Variants in SCGB2B2 observed in about 807,000 individuals in gnomAD.
SCGB2B2 encodes the protein secretoglobin-like protein.
SCGB2B2 carries 11 observed loss-of-function variants against 7.6 expected under a neutral mutation model. That is an observed-to-expected ratio of 1.45 (90% CI 0.91 to 2.40). The LOEUF (loss-of-function observed/expected upper bound fraction) is 2.40, where lower values mean the gene tolerates loss of function less well. Among genes scored for constraint, SCGB2B2 ranks in the 30% most tolerant of loss-of-function variants. The pLI is 0.00. For missense variants in SCGB2B2, 104 were observed against 115.4 expected (o/e 0.90, Z 0.45); for synonymous variants, 50 against 48.6 (o/e 1.03, Z -0.12).
chr19:34,668,337 G>T (rs1046143803), intron 1 of SCGB2B2, among the ~76,000 whole-genome samples: 3 of 152,230 alleles, frequency 2.0e-5, no homozygotes, highest in Non-Finnish European at 2.9e-5. Context: ...TAGCACCTGG[G>T]CCAGCAACTG....
chr19:34,663,418 C>T (rs2067519019), intron 1 of SCGB2B2, among the ~76,000 whole-genome samples: 1 of 152,168 alleles, frequency 6.6e-6, no homozygotes. Context: ...TTGATAGCAA[C>T]AGCAATGTTG....
chr19:34,673,226 T>C (rs1013206503), intron 1 of SCGB2B2, among the ~76,000 whole-genome samples: 7 of 152,192 alleles, frequency 4.6e-5, no homozygotes, highest in South Asian at 2.1e-4. Flanking sequence ...TTTCTCCTTA[T>C]TGCTCTCTCT....
chr19:34,612,201 G>A (rs1008677544), intron 1 of SCGB2B2, among the ~76,000 whole-genome samples: 3 of 151,402 alleles, frequency 2.0e-5, no homozygotes, highest in South Asian at 4.2e-4. Context: ...ACCACACCTG[G>A]CTAATTTTTT....
At chr19:34,614,614 T>C (rs1055807125) in intron 1 of SCGB2B2, among the ~76,000 whole-genome samples, 2 of 152,244 alleles carry the variant, frequency 1.3e-5, no homozygotes, top group Admixed American at 1.3e-4. Flanking sequence ...TATTTCCTTT[T>C]CATTGATGTC....
rs903640311 is a variant in SCGB2B2 at position 34,676,026 on chromosome 19, C to T, written c.-2428G>A. The stretch of plus-strand genomic sequence containing the variant: ...CATCCCACACCTGGGAAGTAGACCC[C>T]AGCGCGGTTGCCGCTGGTTGTTCGG... On this transcript the variant is annotated 5_prime_UTR_variant, in exon 1 of 4. An upstream open reading frame in the 5' UTR gains an earlier in-frame stop. Coordinates refer to ENST00000601241, the MANE Select transcript of SCGB2B2 (RefSeq NM_001025591.4). 3 of 152,214 alleles carry T rather than the reference C, an allele frequency of 2.0e-5. No homozygotes were observed. Among genetic ancestry groups the T allele is most frequent in the African/African-American group, 7.2e-5 (3 of 41,448 alleles). 9.4% of individuals were successfully genotyped at this position (152,214 alleles called of 1,614,324 possible). A position where few individuals can be genotyped will look rare whatever the true frequency, so the allele number is the denominator to read the frequency against.
At chr19:34,646,192 G>A in intron 1 of SCGB2B2, 1 of 159,200 alleles carries the variant, frequency 6.3e-6, no homozygotes, top group Non-Finnish European at 1.4e-5. Context: ...GGATGCTCAT[G>A]ATCAGATGAA....
intron 1 of SCGB2B2, among the ~76,000 whole-genome samples, chr19:34,605,287 T>G (rs1028831420): frequency 6.6e-6 from 1 of 152,212 alleles, no homozygotes; most frequent in Non-Finnish European, 1.5e-5. Flanking sequence ...TTCCATGAGT[T>G]TTGAGAACTC....
intron 1 of SCGB2B2, among the ~76,000 whole-genome samples, chr19:34,653,962 C>T (rs1453697401): frequency 6.9e-6 from 1 of 145,422 alleles, no homozygotes; most frequent in East Asian, 2.0e-4. Flanking sequence ...GGAAGTCCCA[C>T]CCAGAGCAAC....
At chr19:34,597,427 A>T (rs2065490682) in intron 1 of SCGB2B2, among the ~76,000 whole-genome samples, 1 of 146,048 alleles carries the variant, frequency 6.8e-6, no homozygotes, top group Non-Finnish European at 1.5e-5. Context: ...ACCAGGCTGG[A>T]GACATCATCT....
chr19:34,667,909 G>A (rs552024182), intron 1 of SCGB2B2, among the ~76,000 whole-genome samples: 107 of 152,210 alleles, frequency 7.0e-4, no homozygotes, highest in African/African-American at 2.5e-3. Context: ...AGCTCCCCCA[G>A]CTGCGCCCCT....
At chr19:34,639,665 T>G (rs534676461) in intron 1 of SCGB2B2, among the ~76,000 whole-genome samples, 3 of 152,334 alleles carry the variant, frequency 2.0e-5, no homozygotes, top group East Asian at 1.9e-4. Context: ...AACTTACTTC[T>G]GCTCAAACAC....
chr19:34,608,409 A>T (rs994833142), intron 1 of SCGB2B2, among the ~76,000 whole-genome samples: 6 of 150,894 alleles, frequency 4.0e-5, no homozygotes, highest in Non-Finnish European at 8.9e-5. Flanking sequence ...CCTCCTATCT[A>T]GTTGCACTTT....
intron 1 of SCGB2B2, among the ~76,000 whole-genome samples, chr19:34,665,047 G>A (rs968245130): frequency 5.3e-5 from 8 of 152,186 alleles, no homozygotes; most frequent in African/African-American, 1.2e-4. Context: ...GCTGCAGCAC[G>A]GGATGCCTTT....
chr19:34,631,548 C>T lies in SCGB2B2; in HGVS notation c.-2031-34954G>A, dbSNP rs541494520. 1.7e-4 allele frequency among the ~76,000 whole-genome samples: 25 copies of T among 151,048 alleles called. No homozygotes were observed. In the South Asian group the frequency reaches 2.7e-3, roughly 16 times the overall value. ...TTTTTACAAGAGCATACAACATATA[C>T]TTGAGACATATAAGATTTGCAGGAT... On this transcript the variant is annotated intron_variant, in intron 1 of 3. Coordinates refer to ENST00000601241, the MANE Select transcript of SCGB2B2 (RefSeq NM_001025591.4).
chr19:34,597,435 TCTA>T (rs2065491126), intron 1 of SCGB2B2, among the ~76,000 whole-genome samples: 1 of 126,500 alleles, frequency 7.9e-6, no homozygotes, highest in Admixed American at 8.7e-5. Context: ...GGAGACATCA[TCTA>T]CCTCCCTAGA....
rs2065437695 is a variant in SCGB2B2 at position 34,595,874 on chromosome 19, G to C, written c.-1311C>G. 6.6e-6 allele frequency: 1 copy of C among 152,342 alleles called. No homozygotes were observed. The highest frequency in any genetic ancestry group is 6.5e-5 in the Admixed American group (1 of 15,282). The allele number at this position is 152,342 out of a possible 1,614,324, so 9.4% of individuals were successfully genotyped here. On this transcript the variant is annotated 5_prime_UTR_variant, in exon 2 of 4. Coordinates refer to ENST00000601241, the MANE Select transcript of SCGB2B2 (RefSeq NM_001025591.4). ...CTGACGCTTGTACACTCGGGTGCCA[G>C]TGCCGCTCCAATAGCGGTTTGTGCC...
chr19:34,625,412 C>T (rs1265215903), intron 1 of SCGB2B2, among the ~76,000 whole-genome samples: 1 of 152,228 alleles, frequency 6.6e-6, no homozygotes, highest in Non-Finnish European at 1.5e-5. Context: ...AATCGGGTCA[C>T]TCCCACCCTA....
chr19:34,647,915 C>A (rs2067065156), intron 1 of SCGB2B2, among the ~76,000 whole-genome samples: 3 of 152,154 alleles, frequency 2.0e-5, no homozygotes, highest in Admixed American at 2.0e-4. Flanking sequence ...CCTGAGGCAG[C>A]CACCAGGTGA....
At chr19:34,632,160 T>A (rs2066551986) in intron 1 of SCGB2B2, 1 of 152,184 alleles carries the variant, frequency 6.6e-6, no homozygotes, top group East Asian at 1.9e-4. Flanking sequence ...AACCTAAAAG[T>A]ACAAAACTTT....
Sources: allele counts gnomAD v4.1 joint callset (sites outside exome capture counted in the v4.1 genomes callset), GRCh38; gene constraint gnomAD v4.1.1; transcripts MANE v1.5; gene names NCBI Gene and HGNC (gene_info 2026-07-23, HGNC 2026-07-21).